Variants in ENTPD1 observed in about 807,000 individuals in gnomAD.
ENTPD1 encodes the protein ectonucleoside triphosphate diphosphohydrolase 1, also known as ATP diphosphohydrolase.
In ENTPD1, 33 loss-of-function variants were observed where a neutral mutation model predicts 57.0. The ratio of observed to expected loss-of-function variants is 0.58; its 90% CI spans 0.44 to 0.77. The LOEUF is 0.77. Ranked by LOEUF, ENTPD1 falls within the 30% of genes least tolerant of loss-of-function variation. The probability of loss-of-function intolerance (pLI) is 0.00; values close to 1 mark genes in which losing one functional copy is unlikely to be tolerated. For missense variants in ENTPD1, 501 were observed against 603.4 expected (o/e 0.83, Z 1.78); for synonymous variants, 202 against 218.8 (o/e 0.92, Z 0.68).
chr10:95,826,423 A>G (rs2098376687), intron 2 of ENTPD1, among the ~76,000 whole-genome samples: 1 of 152,020 alleles, frequency 6.6e-6, no homozygotes, highest in Admixed American at 6.6e-5. Context: ...AATACAAAAA[A>G]TTAGCTTGGT....
At chr10:95,723,900 G>A (rs953996568) in intron 1 of ENTPD1, among the ~76,000 whole-genome samples, 14 of 151,872 alleles carry the variant, frequency 9.2e-5, no homozygotes, top group African/African-American at 3.4e-4. Context: ...GGTGGCTCAC[G>A]CCTGTAATCC....
chr10:95,696,970 T>C, the ENTPD1 span, among the ~76,000 whole-genome samples: 1 of 152,228 alleles, frequency 6.6e-6, no homozygotes, highest in African/African-American at 2.4e-5. Context: ...CACTTGTGCA[T>C]ACATGAACAT....
intron 1 of ENTPD1, among the ~76,000 whole-genome samples, chr10:95,777,070 C>T (rs529884253): frequency 1.1e-4 from 17 of 152,152 alleles, no homozygotes; most frequent in South Asian, 4.1e-4. Context: ...GCGATGGGTT[C>T]GAACATCCTC....
At chr10:95,817,033 T>C (rs2098332233) in intron 1 of ENTPD1, among the ~76,000 whole-genome samples, 1 of 152,196 alleles carries the variant, frequency 6.6e-6, no homozygotes, top group Admixed American at 6.5e-5. Flanking sequence ...CATGAGGAAA[T>C]GGAGGCTTAC....
chr10:95,732,621 G>A (rs1323585071), intron 1 of ENTPD1, among the ~76,000 whole-genome samples: 4 of 152,072 alleles, frequency 2.6e-5, no homozygotes, highest in Admixed American at 1.3e-4. Flanking sequence ...AGGGGAACCC[G>A]CCCCCAATAA....
At chr10:95,739,638 TTG>T (rs1237240557) in intron 1 of ENTPD1, among the ~76,000 whole-genome samples, 9 of 152,214 alleles carry the variant, frequency 5.9e-5, no homozygotes, top group African/African-American at 2.2e-4. Flanking sequence ...CACTGAAGTC[TTG>T]AACCCCTCCA....
chr10:95,769,100 A>C (rs917102660), intron 1 of ENTPD1, among the ~76,000 whole-genome samples: 19 of 152,240 alleles, frequency 1.2e-4, no homozygotes, highest in Non-Finnish European at 2.5e-4. Context: ...CAGACCCAGG[A>C]AAGAAGGCAA....
chr10:95,733,305 C>A (rs2097991257), intron 1 of ENTPD1, among the ~76,000 whole-genome samples: 1 of 152,170 alleles, frequency 6.6e-6, no homozygotes, highest in African/African-American at 2.4e-5. Context: ...CGCCCTTGTT[C>A]CATGAACATC....
intron 1 of ENTPD1, among the ~76,000 whole-genome samples, chr10:95,809,203 C>T (rs926066802): frequency 5.3e-5 from 8 of 152,202 alleles, no homozygotes; most frequent in African/African-American, 1.2e-4. Context: ...AAACCACCAT[C>T]GTCATCATGG....
Position 95,874,159 on chromosome 10 carries a change from C to G in ENTPD1, c.*7776C>G, listed in dbSNP as rs1024897295. On this transcript the variant is annotated 3_prime_UTR_variant, in exon 10 of 10. Transcript: ENST00000371205. ...TCATTTCAGCATTAACCCAAAAGTCCACAGTCCAAAGTCTCATCTGAGACA... is the reference window on the plus strand; with the variant it reads ...TCATTTCAGCATTAACCCAAAAGTCGACAGTCCAAAGTCTCATCTGAGACA... 1.3e-5 allele frequency among the ~76,000 whole-genome samples: 2 copies of G among 152,142 alleles called. No individual in the cohort carries two copies. Among genetic ancestry groups the G allele is most frequent in the African/African-American group, 4.8e-5 (2 of 41,420 alleles).
At chr10:95,793,796 C>T (rs1006157971) in intron 1 of ENTPD1, among the ~76,000 whole-genome samples, 1 of 151,988 alleles carries the variant, frequency 6.6e-6, no homozygotes, top group African/African-American at 2.4e-5. Flanking sequence ...AACAGGAAAG[C>T]AGCAAGCAGA....
intron 1 of ENTPD1, among the ~76,000 whole-genome samples, chr10:95,762,850 G>A (rs1312860383): frequency 6.6e-6 from 1 of 151,982 alleles, no homozygotes; most frequent in Non-Finnish European, 1.5e-5. Flanking sequence ...CAGCTTTGGT[G>A]TTTTTGTTTT....
At chr10:95,865,742 C>G (rs1408833626) in intron 9 of ENTPD1, among the ~76,000 whole-genome samples, 1 of 152,062 alleles carries the variant, frequency 6.6e-6, no homozygotes, top group Non-Finnish European at 1.5e-5. Flanking sequence ...GACTGACACA[C>G]GAGGTAGTCA....
intron 1 of ENTPD1, among the ~76,000 whole-genome samples, chr10:95,746,041 G>T (rs1459065695): frequency 6.6e-6 from 1 of 152,198 alleles, no homozygotes; most frequent in Non-Finnish European, 1.5e-5. Flanking sequence ...TTTGGGAAAA[G>T]GGGTGGAGAG....
At chr10:95,735,072 C>A (rs1193943774) in intron 1 of ENTPD1, among the ~76,000 whole-genome samples, 2 of 149,038 alleles carry the variant, frequency 1.3e-5, no homozygotes, top group East Asian at 3.9e-4. Flanking sequence ...CTCTGTCTTG[C>A]CCAGGCTGGA....
rs191239362 is a variant in ENTPD1, at chr10:95,773,283, C to G, written c.16+17028C>G. Among the ~76,000 whole-genome samples, 649 of 152,276 alleles carry G rather than the reference C, an allele frequency of 4.3e-3. 3 individuals carry two copies. The highest frequency in any genetic ancestry group is 7.0e-3 in the Non-Finnish European group (477 of 68,026). On this transcript the variant is annotated intron_variant, in intron 1 of 9. Coordinates refer to ENST00000371205, the MANE Select transcript of ENTPD1 (RefSeq NM_001776.6). Reference sequence around the variant, plus strand: ...GAGGAGACAAATATCCAAACCGTAGCACTCCTTGATCCATAGACTGCAGAA... The same window carrying G: ...GAGGAGACAAATATCCAAACCGTAGGACTCCTTGATCCATAGACTGCAGAA...
intron 1 of ENTPD1, among the ~76,000 whole-genome samples, chr10:95,729,385 TAGTC>T (rs2097987022): frequency 1.3e-5 from 2 of 152,162 alleles, no homozygotes; most frequent in Admixed American, 1.3e-4. Flanking sequence ...TTTCCTGGAG[TAGTC>T]AGTCTTAAGC....
chr10:95,836,562 T>TA (rs1201915741), intron 2 of ENTPD1, among the ~76,000 whole-genome samples: 1 of 152,118 alleles, frequency 6.6e-6, no homozygotes, highest in Non-Finnish European at 1.5e-5. Flanking sequence ...ACCTAAATCT[T>TA]ACTGCTTTCT....
intron 1 of ENTPD1, among the ~76,000 whole-genome samples, chr10:95,814,862 C>G (rs912350433): frequency 9.5e-4 from 145 of 152,158 alleles, no homozygotes; most frequent in Non-Finnish European, 1.9e-4. Flanking sequence ...TTCTCACCCC[C>G]ACCCCTTCCC....
Sources: gnomAD v4.1 joint callset for allele counts (sites outside exome capture counted in the v4.1 genomes callset) on GRCh38, gnomAD v4.1.1 for gene constraint, MANE v1.5 for transcripts, NCBI Gene and HGNC (gene_info 2026-07-23, HGNC 2026-07-21) for gene names.